Variants in CLCN2 observed in about 807,000 individuals in gnomAD.
CLCN2 encodes the protein chloride voltage-gated channel 2.
In CLCN2, 72 loss-of-function variants were observed where a neutral mutation model predicts 108.3. The ratio of observed to expected loss-of-function variants is 0.66; its 90% CI spans 0.55 to 0.81. The LOEUF is 0.81. Among genes scored for constraint, CLCN2 ranks in the 30% least tolerant of loss-of-function variants. CLCN2 has a pLI of 0.00. For synonymous variants in CLCN2, 471 were observed against 467.1 expected, an observed-to-expected ratio of 1.01 and a Z score of -0.11; for missense variants, 1,048 against 1,205.2, an observed-to-expected ratio of 0.87 and a Z score of 1.93.
rs138627624 is a variant in CLCN2 at position 184,354,564 on chromosome 3, C to T, written c.1491G>A (p.Gly497=). Reference sequence around the variant, plus strand: ...GGCACTCACCGACCACAGCGTAGCCCCCAGGCACAATCCGGTAGGTGCTGC... The same window carrying T: ...GGCACTCACCGACCACAGCGTAGCCTCCAGGCACAATCCGGTAGGTGCTGC... The part of the protein sequence containing the change: ...TDSSTYRIVP[G]GYAVVGAAAL... The change falls in exon 14 of 24, where the codon GGG becomes GGA. Residue 497 remains glycine (G), a synonymous_variant. Coordinates refer to ENST00000265593, the MANE Select transcript of CLCN2 (RefSeq NM_004366.6). 2.3e-4 allele frequency: 371 copies of T among 1,613,046 alleles called. No individual in the cohort carries two copies. Among genetic ancestry groups the T allele is most frequent in the South Asian group, 7.4e-4 (67 of 91,076 alleles).
Position 184,361,288 on chromosome 3 carries a change from A to G in CLCN2, c.63+129T>C. On this transcript the variant is annotated intron_variant, in intron 1 of 23. Transcript: ENST00000265593. The surrounding 1 kb of genome is among the most constrained non-coding windows in gnomAD (Gnocchi z 6.6). ...TCGGCCCTGCAGCCTCAGACTTCCA[A>G]GCCTCAGTTTCCCCAGCTCAAAATG... 1 of 1,024,048 alleles carries G rather than the reference A, an allele frequency of 9.8e-7. No homozygotes were observed. 63.4% of individuals were successfully genotyped at this position (1,024,048 alleles called of 1,614,324 possible).
rs1246965632 is a variant in CLCN2 at position 184,355,354 on chromosome 3, T to C, written c.1326+20A>G. ...GGGCAAGCTATGTAAAGGTTAGCAG[T>C]GTACACGTGAGGAGCCCACCTTCAT... On this transcript the variant is annotated intron_variant, in intron 12 of 23. Transcript: ENST00000265593. The surrounding 1 kb of genome is among the most constrained non-coding windows in gnomAD (Gnocchi z 6.3). 1 of 1,613,372 alleles carries C rather than the reference T, an allele frequency of 6.2e-7. No individual in the cohort carries two copies. Among genetic ancestry groups the C allele is most frequent in the Non-Finnish European group, 8.5e-7 (1 of 1,179,852 alleles).
chr3:184,357,793 C>T lies in CLCN2; in HGVS notation c.679G>A (p.Gly227Arg). 3 of 1,613,996 alleles carry T rather than the reference C, an allele frequency of 1.9e-6. No homozygotes were observed. Among genetic ancestry groups the T allele is most frequent in the Admixed American group, 3.3e-5 (2 of 60,026 alleles). Residue 227 changes from glycine (G) to arginine (R), a missense_variant, in exon 6 of 24, where the codon GGG becomes AGG. Transcript: ENST00000265593. ...ALLSKFLSLF[G>R]GIYENESRNT... ...GTTCCCCTTACCTCATAGATACCCC[C>T]AAAGAGGGAGAGGAACTTGCTGAGA...
At chr3:184,347,144 G>A (rs1727737446) in intron 22 of CLCN2, 123 bp from the exon 23 acceptor site, 17 of 799,002 alleles carry the variant, frequency 2.1e-5, no homozygotes, top group South Asian at 1.9e-4. Context: ...TGGGAGGGAA[G>A]GAGACAGGAC....
intron 10 of CLCN2, chr3:184,356,014 G>A (rs2108569212): frequency 1.9e-6 from 1 of 528,180 alleles, no homozygotes; most frequent in Non-Finnish European, 3.4e-6. Flanking sequence ...CTCTGTAGGT[G>A]GGTAGCAGCA....
At chr3:184,351,887 G>T in intron 22 of CLCN2, 126 bp downstream of exon 22, 1 of 780,180 alleles carries the variant, frequency 1.3e-6, no homozygotes, top group South Asian at 1.4e-5. Context: ...AAACATCTCC[G>T]CACTGAGCCA....
Position 184,346,281 on chromosome 3 carries a change from A to C in CLCN2, c.*325T>G, listed in dbSNP as rs1727660509. 2.3e-6 allele frequency: 1 copy of C among 432,714 alleles called. No individual in the cohort carries two copies. Among genetic ancestry groups the C allele is most frequent in the Non-Finnish European group, 4.3e-6 (1 of 232,846 alleles). The allele number at this position is 432,714 out of a possible 1,614,324, so 26.8% of individuals were successfully genotyped here. On this transcript the variant is annotated 3_prime_UTR_variant, in exon 24 of 24. Coordinates refer to ENST00000265593, the MANE Select transcript of CLCN2 (RefSeq NM_004366.6). The surrounding 1 kb of genome is among the most constrained non-coding windows in gnomAD (Gnocchi z 6.0). ...AAAATCTTTGTAAATCTCTATATAC[A>C]TCTGGTCATTGGAGGTTCCAGTTAT...
rs1166252694 is a variant in CLCN2 at position 184,357,790 on chromosome 3, C to A, written c.682G>T (p.Gly228Cys). The A allele has an allele frequency of 6.2e-7, 1 of 1,614,036 alleles. No homozygotes were observed. Among genetic ancestry groups the A allele is most frequent in the East Asian group, 2.2e-5 (1 of 44,882 alleles). Reference protein sequence around the residue: ...LLSKFLSLFGGIYENESRNTE... With the variant: ...LLSKFLSLFGCIYENESRNTE... ...AGGGTTCCCCTTACCTCATAGATAC[C>A]CCCAAAGAGGGAGAGGAACTTGCTG... The change falls in exon 6 of 24, where the codon GGT becomes TGT. Residue 228 changes from glycine (G) to cysteine (C), a missense_variant. Transcript: ENST00000265593.
rs1391582137 is a variant in CLCN2 at position 184,355,833 on chromosome 3, C to A, written c.1086-55G>T. 8 of 1,429,448 alleles carry A rather than the reference C, an allele frequency of 5.6e-6. No homozygotes were observed. The Admixed American group carries it at 1.4e-4, about 25-fold the overall frequency. The allele number at this position is 1,429,448 out of a possible 1,614,324, so 88.5% of individuals were successfully genotyped here. A position where few individuals can be genotyped will look rare whatever the true frequency, so the allele number is the denominator to read the frequency against. On this transcript the variant is annotated intron_variant, in intron 10 of 23. Transcript: ENST00000265593. The surrounding 1 kb of genome is among the most constrained non-coding windows in gnomAD (Gnocchi z 6.3). ...GGTGGCCAAGGGCTGGGTGGCCTCG[C>A]ATATCTCAGGGCTGAGGTCAGAGCA...
In CLCN2 at chr3:184,354,562, C is replaced by A. The variant is rs765755134; in HGVS notation, c.1493G>T (p.Gly498Val). ...DSSTYRIVPG[G>V]YAVVGAAALA... is the part of the protein sequence containing the mutation. ...GAGGCACTCACCGACCACAGCGTAG[C>A]CCCCAGGCACAATCCGGTAGGTGCT... The change falls in exon 14 of 24, where the codon GGC becomes GTC. Residue 498 changes from glycine (G) to valine (V), a missense_variant. Transcript: ENST00000265593. 8.7e-6 allele frequency: 14 copies of A among 1,612,672 alleles called. No individual in the cohort carries two copies. In the African/African-American group the frequency reaches 1.1e-4, roughly 12 times the overall value.
chr3:184,359,728 C>T (rs1261133512), intron 1 of CLCN2, among the ~76,000 whole-genome samples: 2 of 152,190 alleles, frequency 1.3e-5, no homozygotes, highest in Non-Finnish European at 2.9e-5. Context: ...GAAAGCCTCT[C>T]ACTTAGGGTG....
intron 1 of CLCN2, 140 bp from the exon 2 acceptor site, chr3:184,359,271 C>T (rs1048660887): frequency 1.7e-5 from 18 of 1,076,648 alleles, no homozygotes; most frequent in Middle Eastern, 2.2e-4. Context: ...CACTCTGGCC[C>T]GAGGTGTGGG....
Position 184,346,447 on chromosome 3 carries a change from G to GGAT in CLCN2, c.*156_*158dup, listed in dbSNP as rs1727670781. On this transcript the variant is annotated 3_prime_UTR_variant, in exon 24 of 24. Transcript: ENST00000265593. This position sits in a 1 kb window ranked among gnomAD's most constrained non-coding sequence, Gnocchi z 6.0. ...TGGGTAGTGGGTCAGATTCCAGGTA[G>GGAT]GATGAACTGGGAGAAGCTGGCACCC... is the stretch of plus-strand genomic sequence containing the variant. 5.1e-6 allele frequency: 4 copies of GGAT among 788,968 alleles called. No homozygotes were observed. Among genetic ancestry groups the GGAT allele is most frequent in the Non-Finnish European group, 8.4e-6 (4 of 474,224 alleles). The allele number at this position is 788,968 out of a possible 1,614,324, so 48.9% of individuals were successfully genotyped here.
rs148545588 is a variant in CLCN2 at position 184,353,348 on chromosome 3, G to A, written c.1930C>T (p.Arg644Cys). ...ALLGAQLSPA[R>C]RRQHMQERRA... ...CGCTCCTGCATGTGCTGCCGCCGGCGGGCTGGGCTCAGCTGGGCCCCCAAC... is the reference window on the plus strand; with the variant it reads ...CGCTCCTGCATGTGCTGCCGCCGGCAGGCTGGGCTCAGCTGGGCCCCCAAC... The change falls in exon 17 of 24, where the codon CGC becomes TGC. Residue 644 changes from arginine (R) to cysteine (C), a missense_variant. Coordinates refer to ENST00000265593, the MANE Select transcript of CLCN2 (RefSeq NM_004366.6). 1.6e-3 allele frequency: 2,546 copies of A among 1,613,294 alleles called. 12 individuals are homozygous for A. Among genetic ancestry groups the A allele is most frequent in the South Asian group, 8.0e-3 (731 of 91,086 alleles).
intron 13 of CLCN2, 59 bp downstream of exon 13, chr3:184,354,845 G>C (rs980110143): frequency 2.4e-5 from 37 of 1,566,266 alleles, no homozygotes; most frequent in African/African-American, 1.2e-4. Context: ...GGTTGGCTGG[G>C]GGGGTGGCCA....
Position 184,346,560 on chromosome 3 carries a change from G to A in CLCN2, c.*46C>T. The A allele has an allele frequency of 1.2e-6, 2 of 1,602,746 alleles. No individual in the cohort carries two copies. The highest frequency in any genetic ancestry group is 1.7e-6 in the Non-Finnish European group (2 of 1,172,016). On this transcript the variant is annotated 3_prime_UTR_variant, in exon 24 of 24. Coordinates refer to ENST00000265593, the MANE Select transcript of CLCN2 (RefSeq NM_004366.6). The surrounding 1 kb of genome is among the most constrained non-coding windows in gnomAD (Gnocchi z 6.0). The stretch of plus-strand genomic sequence containing the variant: ...GAAGGAATGAAAGATGCACATTCTG[G>A]GCTGACGGGCATGGCTAGCACCATC...
chr3:184,346,664 G>T lies in CLCN2; in HGVS notation c.2639C>A (p.Ser880Tyr). ...TEVHALWGPH[S>Y]RHGLPREGSP... The stretch of plus-strand genomic sequence containing the variant: ...GCCCTCCCGGGGGAGGCCATGACGG[G>T]AGTGGGGCCCCCAGAGTGCATGCAC... Residue 880 changes from serine to tyrosine, a missense_variant, in exon 24 of 24, where the codon TCC (serine) becomes TAC (tyrosine). Coordinates refer to ENST00000265593, the MANE Select transcript of CLCN2 (RefSeq NM_004366.6). The surrounding 1 kb of genome is among the most constrained non-coding windows in gnomAD (Gnocchi z 6.0). 1.2e-6 allele frequency: 2 copies of T among 1,614,206 alleles called. No individual in the cohort carries two copies. The highest frequency in any genetic ancestry group is 1.7e-6 in the Non-Finnish European group (2 of 1,180,048).
rs747140888 is a variant in CLCN2, at chr3:184,346,621, G to T, written c.2682C>A (p.Asp894Glu). 172 of 1,613,920 alleles carry T rather than the reference G, an allele frequency of 1.1e-4. 2 individuals carry two copies. The East Asian group carries it at 3.8e-3, about 36-fold the overall frequency. The change falls in exon 24 of 24, where the codon GAC becomes GAA. Residue 894 changes from aspartate (D) to glutamate (E), a missense_variant. Asp to Glu is a conservative substitution (Grantham distance 45). Transcript: ENST00000265593. This position sits in a 1 kb window ranked among gnomAD's most constrained non-coding sequence, Gnocchi z 6.0. The part of the protein sequence containing the change: ...LPREGSPSDS[D>E]DKCQ The stretch of plus-strand genomic sequence containing the variant: ...CACGAGGGGCTCATTGGCATTTGTC[G>T]TCGCTGTCGGAAGGGCTGCCCTCCC...
rs755544905 is a variant in CLCN2 at position 184,352,030 on chromosome 3, G to A, written c.2398C>T (p.Arg800Trp). 9 of 1,613,408 alleles carry A rather than the reference G, an allele frequency of 5.6e-6. No homozygotes were observed. The highest frequency in any genetic ancestry group is 2.2e-5 in the South Asian group (2 of 91,066). ...IDPAPFQLVE[R>W]TSLHKTHTIF... ...GGCCCTACCTTGTGCAAAGAGGTCCGCTCCACCAGCTGGAAGGGAGCAGGA... is the reference window on the plus strand; with the variant it reads ...GGCCCTACCTTGTGCAAAGAGGTCCACTCCACCAGCTGGAAGGGAGCAGGA... The change falls in exon 22 of 24, where the codon CGG (arginine) becomes TGG (tryptophan). Residue 800 changes from arginine (R) to tryptophan (W), a missense_variant. Physicochemically the swap from Arg to Trp is moderately radical, Grantham distance 101. Transcript: ENST00000265593.
Sources: gnomAD v4.1 joint callset for allele counts (sites outside exome capture counted in the v4.1 genomes callset) on GRCh38, gnomAD v4.1.1 for gene constraint, Gnocchi (gnomAD v3.1) non-coding constraint, MANE v1.5 for transcripts, NCBI Gene and HGNC (gene_info 2026-07-23, HGNC 2026-07-21) for gene names.